Variants in TRMU observed in about 807,000 individuals in gnomAD.
The protein encoded by TRMU is tRNA mitochondrial 2-thiouridylase, also known as mitochondrial tRNA-specific 2-thiouridylase 1.
Under a neutral mutation model 46.9 loss-of-function variants are expected in TRMU, and 49 were observed. The ratio of observed to expected loss-of-function variants is 1.05; its 90% confidence interval spans 0.83 to 1.33. The LOEUF (loss-of-function observed/expected upper bound fraction) is 1.33, where lower values mean the gene tolerates loss of function less well. Among genes scored for constraint, TRMU ranks in the 40% most tolerant of loss-of-function variants. TRMU has a pLI of 0.00. For synonymous variants in TRMU, 241 were observed against 200.9 expected, an observed-to-expected ratio of 1.20 and a Z score of -1.69; for missense variants, 572 against 532.4, an observed-to-expected ratio of 1.07 and a Z score of -0.73.
Position 46,336,077 on chromosome 22 carries a change from C to T in TRMU, c.82+231C>T, listed in dbSNP as rs116832601. The T allele has an allele frequency of 6.2e-3, 8,570 of 1,380,322 alleles. 467 individuals carry two copies. In the African/African-American group the frequency reaches 0.11, roughly 18 times the overall value. 85.5% of individuals were successfully genotyped at this position (1,380,322 alleles called of 1,614,324 possible). A position where few individuals can be genotyped will look rare whatever the true frequency, so the allele number is the denominator to read the frequency against. On this transcript the variant is annotated intron_variant, in intron 1 of 10. Transcript: ENST00000645190. This position sits in a 1 kb window ranked among gnomAD's most constrained non-coding sequence, Gnocchi z 4.1. ...CCGACTACCTGGGAGCAGTTCCGCGCCCCTCTCCACCCACGCGCGCCCACC... is the reference window on the plus strand; with the variant it reads ...CCGACTACCTGGGAGCAGTTCCGCGTCCCTCTCCACCCACGCGCGCCCACC...
chr22:46,351,952 C>T lies in TRMU; in HGVS notation c.652-169C>T, dbSNP rs993721504. On this transcript the variant is annotated intron_variant, in intron 5 of 10. Transcript: ENST00000645190. This position sits in a 1 kb window ranked among gnomAD's most constrained non-coding sequence, Gnocchi z 6.4. Reference sequence around the variant, plus strand: ...TTCTCTAAGGCTCTGGCATCGTGTGCGCCGGCTGTGACTGGCGGCCGAGGG... The same window carrying T: ...TTCTCTAAGGCTCTGGCATCGTGTGTGCCGGCTGTGACTGGCGGCCGAGGG... 27 of 779,456 alleles carry T rather than the reference C, an allele frequency of 3.5e-5. No individual in the cohort carries two copies. The highest frequency in any genetic ancestry group is 4.8e-5 in the Non-Finnish European group (21 of 436,442). The allele number at this position is 779,456 out of a possible 1,614,324, so 48.3% of individuals were successfully genotyped here.
At chr22:46,355,629 C>T (rs1484753768) in intron 9 of TRMU, 41 bp downstream of exon 9, 1 of 1,613,112 alleles carries the variant, frequency 6.2e-7, no homozygotes, top group Admixed American at 1.7e-5. Context: ...CCCCTTGAAG[C>T]TGAGCTTCCT....
chr22:46,344,903 G>A (rs1212831085), intron 3 of TRMU, among the ~76,000 whole-genome samples: 5 of 152,134 alleles, frequency 3.3e-5, no homozygotes, highest in African/African-American at 4.8e-5. Context: ...TTTTCAGGTC[G>A]TTAATATGCA....
intron 2 of TRMU, 142 bp from the exon 3 acceptor site, chr22:46,343,116 ATGAC>A: frequency 1.5e-6 from 1 of 664,422 alleles, no homozygotes; most frequent in Non-Finnish European, 2.6e-6. Context: ...CAAATGTTCG[ATGAC>A]TGACGTTCTC....
rs752260369 is a variant in TRMU, at chr22:46,348,328, C to G, written c.478+1784C>G. Among the ~76,000 whole-genome samples, 8 of 152,212 alleles carry G rather than the reference C, an allele frequency of 5.3e-5. No homozygotes were observed. Among genetic ancestry groups the G allele is most frequent in the Non-Finnish European group, 7.3e-5 (5 of 68,028 alleles). On this transcript the variant is annotated intron_variant, in intron 4 of 10. Transcript: ENST00000645190. This position sits in a 1 kb window ranked among gnomAD's most constrained non-coding sequence, Gnocchi z 4.8. ...TCGGAAACTTGGGACAGTACTGATG[C>G]GTTCTGTTGAGTGCGTTTGGCATGT...
intron 2 of TRMU, among the ~76,000 whole-genome samples, chr22:46,341,895 G>T (rs533955843): frequency 1.7e-4 from 26 of 152,346 alleles, no homozygotes; most frequent in Non-Finnish European, 3.5e-4. Flanking sequence ...CAGTGACGCA[G>T]CATTCCAGGC....
rs2078047775 is a variant in TRMU, at chr22:46,338,833, C to T, written c.248+889C>T. Among the ~76,000 whole-genome samples, 1 of 152,226 alleles carries T rather than the reference C, an allele frequency of 6.6e-6. No homozygotes were observed. Among genetic ancestry groups the T allele is most frequent in the Admixed American group, 6.5e-5 (1 of 15,288 alleles). On this transcript the variant is annotated intron_variant, in intron 2 of 10. Transcript: ENST00000645190. This position sits in a 1 kb window ranked among gnomAD's most constrained non-coding sequence, Gnocchi z 4.5. ...CAGTTGTCGAAGGCGTCTGACACAG[C>T]AGGCCATGTGCGCGGGACAGGCTGC...
Position 46,335,800 on chromosome 22 carries a change from C to G in TRMU, c.36C>G (p.Ser12=), listed in dbSNP as rs764802781. Residue 12 remains serine, a synonymous_variant, in exon 1 of 11, where the codon TCC becomes TCG. Transcript: ENST00000645190. The stretch of plus-strand genomic sequence containing the variant: ...TGCGGCACGTCGTGTGCGCCCTGTC[C>G]GGCGGCGTGGACAGCGCCGTGGCCG... ...QALRHVVCAL[S]GGVDSAVAAL... The G allele has an allele frequency of 7.0e-6, 11 of 1,562,576 alleles. No homozygotes were observed. In the African/African-American group the frequency reaches 1.4e-4, roughly 19 times the overall value.
intron 10 of TRMU, chr22:46,356,619 C>G (rs750392252): frequency 6.8e-6 from 4 of 585,888 alleles, no homozygotes; most frequent in Non-Finnish European, 1.2e-5. Context: ...CTGTCCCACT[C>G]AGGGAGAGGT....
chr22:46,353,707 G>A, intron 7 of TRMU, 60 bp from the exon 8 acceptor site: 1 of 1,512,320 alleles, frequency 6.6e-7, no homozygotes. Context: ...TTCATGATGA[G>A]GCGTGACATG....
At chr22:46,354,825 G>A (rs2078546359) in intron 8 of TRMU, 1 of 156,062 alleles carries the variant, frequency 6.4e-6, no homozygotes, top group African/African-American at 2.4e-5. Context: ...CCTGCTTCAG[G>A]GGCGGGGCTT....
chr22:46,339,377 T>A lies in TRMU; in HGVS notation c.248+1433T>A, dbSNP rs2078062424. Among the ~76,000 whole-genome samples the A allele has an allele frequency of 6.6e-6, 1 of 152,230 alleles. No homozygotes were observed. Among genetic ancestry groups the A allele is most frequent in the Non-Finnish European group, 1.5e-5 (1 of 68,040 alleles). ...GTTGGCCGGGCTAGTCTCAGACTCC[T>A]GACCTCAGAAGATCCACTCGTCTCA... On this transcript the variant is annotated intron_variant, in intron 2 of 10. Transcript: ENST00000645190. This position sits in a 1 kb window ranked among gnomAD's most constrained non-coding sequence, Gnocchi z 4.8.
intron 3 of TRMU, among the ~76,000 whole-genome samples, chr22:46,343,631 C>T (rs1259619911): frequency 1.3e-5 from 2 of 152,190 alleles, no homozygotes; most frequent in African/African-American, 2.4e-5. Flanking sequence ...CTGCCTCGGC[C>T]TTCCAAAGTG....
chr22:46,336,042 G>A lies in TRMU; in HGVS notation c.82+196G>A, dbSNP rs2077966713. 1 of 1,409,702 alleles carries A rather than the reference G, an allele frequency of 7.1e-7. No homozygotes were observed. Among genetic ancestry groups the A allele is most frequent in the African/African-American group, 1.5e-5 (1 of 65,930 alleles). The allele number at this position is 1,409,702 out of a possible 1,614,324, so 87.3% of individuals were successfully genotyped here. On this transcript the variant is annotated intron_variant, in intron 1 of 10. Coordinates refer to ENST00000645190, the MANE Select transcript of TRMU (RefSeq NM_018006.5). The surrounding 1 kb of genome is among the most constrained non-coding windows in gnomAD (Gnocchi z 4.1). Reference sequence around the variant, plus strand: ...CACCTGTGTAGTCGGAGGTGTGCGCGACTGCAGCTCCGACTACCTGGGAGC... The same window carrying A: ...CACCTGTGTAGTCGGAGGTGTGCGCAACTGCAGCTCCGACTACCTGGGAGC...
Position 46,336,154 on chromosome 22 carries a change from A to C in TRMU, c.82+308A>C. ...TGGGGTGGGGAGGGAAGGGTTTCTC[A>C]CGGATCTGCGGCGTCCACATTCACC... On this transcript the variant is annotated intron_variant, in intron 1 of 10. Transcript: ENST00000645190. The surrounding 1 kb of genome is among the most constrained non-coding windows in gnomAD (Gnocchi z 4.1). The C allele has an allele frequency of 7.0e-6, 9 of 1,283,756 alleles. No individual in the cohort carries two copies. Among genetic ancestry groups the C allele is most frequent in the Non-Finnish European group, 8.9e-6 (9 of 1,009,466 alleles). The allele number at this position is 1,283,756 out of a possible 1,614,324, so 79.5% of individuals were successfully genotyped here.
Position 46,350,238 on chromosome 22 carries a change from G to T in TRMU, c.479-53G>T. 1 of 1,607,960 alleles carries T rather than the reference G, an allele frequency of 6.2e-7. No individual in the cohort carries two copies. Among genetic ancestry groups the T allele is most frequent in the Non-Finnish European group, 8.5e-7 (1 of 1,174,874 alleles). ...TGAACAGAAGGACATTGTTGAAAGT[G>T]AAGTATCATTATTTTTATTCCTGCA... On this transcript the variant is annotated intron_variant, in intron 4 of 10. Coordinates refer to ENST00000645190, the MANE Select transcript of TRMU (RefSeq NM_018006.5). This position sits in a 1 kb window ranked among gnomAD's most constrained non-coding sequence, Gnocchi z 4.6.
In TRMU at chr22:46,350,557, C is replaced by G; in HGVS notation, c.651+94C>G. On this transcript the variant is annotated intron_variant, in intron 5 of 10. Coordinates refer to ENST00000645190, the MANE Select transcript of TRMU (RefSeq NM_018006.5). This position sits in a 1 kb window ranked among gnomAD's most constrained non-coding sequence, Gnocchi z 4.6. Reference sequence around the variant, plus strand: ...GGACCTGTGGGTCCCGCACCACTTCCCCTTCTCCAGGACCTAACATCAAAG... The same window carrying G: ...GGACCTGTGGGTCCCGCACCACTTCGCCTTCTCCAGGACCTAACATCAAAG... The G allele has an allele frequency of 6.7e-7, 1 of 1,487,936 alleles. No individual in the cohort carries two copies. The highest frequency in any genetic ancestry group is 9.3e-7 in the Non-Finnish European group (1 of 1,072,518). The allele number at this position is 1,487,936 out of a possible 1,614,324, so 92.2% of individuals were successfully genotyped here.
chr22:46,343,892 C>G (rs1480277396), intron 3 of TRMU, among the ~76,000 whole-genome samples: 1 of 151,926 alleles, frequency 6.6e-6, no homozygotes, highest in African/African-American at 2.4e-5. Flanking sequence ...CATTGTAAGC[C>G]AGGGGCCCAG....
In TRMU at chr22:46,356,745, C is replaced by T. The variant is rs573124482; in HGVS notation, c.1102-97C>T. ...CCTGGGAGCTCAGTGCCTGGTGCTC[C>T]GAGCACAGGCCAGGCCCCATAGGGG... On this transcript the variant is annotated intron_variant, in intron 10 of 10. Transcript: ENST00000645190. The T allele has an allele frequency of 6.9e-5, 100 of 1,455,536 alleles. 1 individual carries two copies. The East Asian group carries it at 1.3e-3, about 18-fold the overall frequency. 90.2% of individuals were successfully genotyped at this position (1,455,536 alleles called of 1,614,324 possible).
Sources: gnomAD v4.1 joint callset for allele counts (sites outside exome capture counted in the v4.1 genomes callset) on GRCh38, gnomAD v4.1.1 for gene constraint, Gnocchi (gnomAD v3.1) non-coding constraint, MANE v1.5 for transcripts, NCBI Gene and HGNC (gene_info 2026-07-23, HGNC 2026-07-21) for gene names.